Variants in WWOX observed in about 807,000 individuals in gnomAD.
The protein encoded by WWOX is WW domain containing oxidoreductase, also known as WW domain-containing oxidoreductase.
WWOX carries 69 observed loss-of-function variants against 46.2 expected under a neutral mutation model. The ratio of observed to expected loss-of-function variants is 1.49; its 90% CI spans 1.23 to 1.82. The LOEUF is 1.82. Among genes scored for constraint, WWOX ranks in the 40% most tolerant of loss-of-function variants. The pLI is 0.00. For missense variants in WWOX, 919 were observed against 542.6 expected (o/e 1.69, Z -6.89); for synonymous variants, 359 against 202.6 (o/e 1.77, Z -6.56).
chr16:78,985,855 A>C (rs888628389), intron 8 of WWOX, among the ~76,000 whole-genome samples: 3 of 152,246 alleles, frequency 2.0e-5, no homozygotes, highest in Non-Finnish European at 4.4e-5. Context: ...TAGAAGTTGC[A>C]GCTCATGCCT....
At chr16:79,116,452 A>G (rs2049517653) in intron 8 of WWOX, among the ~76,000 whole-genome samples, 1 of 152,194 alleles carries the variant, frequency 6.6e-6, no homozygotes, top group South Asian at 2.1e-4. Flanking sequence ...AACATTCATG[A>G]CGTTGTTCAT....
intron 8 of WWOX, among the ~76,000 whole-genome samples, chr16:78,451,173 T>A (rs987067989): frequency 5.3e-5 from 8 of 152,208 alleles, no homozygotes; most frequent in Non-Finnish European, 1.2e-4. Flanking sequence ...CAAAGCCATT[T>A]TTTTTAAAAT....
At chr16:79,190,158 G>T (rs1349677731) in intron 8 of WWOX, among the ~76,000 whole-genome samples, 1 of 151,998 alleles carries the variant, frequency 6.6e-6, no homozygotes, top group Non-Finnish European at 1.5e-5. Flanking sequence ...CCGAGTAGCT[G>T]GGATTTTAGG....
At chr16:78,706,082 C>G (rs1291783837) in intron 8 of WWOX, among the ~76,000 whole-genome samples, 1 of 29,976 alleles carries the variant, frequency 3.3e-5, no homozygotes, top group African/African-American at 1.5e-4. Flanking sequence ...TTTTTTTTGA[C>G]TAAATTCACC....
intron 5 of WWOX, among the ~76,000 whole-genome samples, chr16:78,182,804 A>G (rs184289183): frequency 4.3e-4 from 66 of 152,080 alleles, no homozygotes; most frequent in Middle Eastern, 6.8e-3. Context: ...TACAAAAATT[A>G]GCAGGGCATG....
chr16:78,418,925 A>C (rs1358827854), intron 6 of WWOX, among the ~76,000 whole-genome samples: 1 of 152,200 alleles, frequency 6.6e-6, no homozygotes, highest in Admixed American at 6.5e-5. Flanking sequence ...ATATTCTACT[A>C]GAAATCCTAG....
chr16:78,845,312 G>A (rs940325450), intron 8 of WWOX, among the ~76,000 whole-genome samples: 15 of 152,206 alleles, frequency 9.9e-5, no homozygotes, highest in Non-Finnish European at 2.2e-4. Context: ...GACCAACAAG[G>A]TTTCCAGCCT....
intron 5 of WWOX, among the ~76,000 whole-genome samples, chr16:78,231,490 C>T (rs1013676822): frequency 2.6e-5 from 4 of 152,160 alleles, no homozygotes; most frequent in Non-Finnish European, 4.4e-5. Context: ...GTGTTGCTAC[C>T]TGTTTTCCAT....
intron 8 of WWOX, among the ~76,000 whole-genome samples, chr16:78,729,924 C>G (rs73571652): frequency 0.012 from 1,805 of 152,242 alleles, 53 homozygotes; most frequent in African/African-American, 0.041. Flanking sequence ...TGTAAACAGA[C>G]ACAGTGCAAT....
chr16:79,069,162 A>G (rs1307561171), intron 8 of WWOX, among the ~76,000 whole-genome samples: 1 of 152,224 alleles, frequency 6.6e-6, no homozygotes, highest in East Asian at 1.9e-4. Flanking sequence ...GCGCTTGGCG[A>G]AGGTAAATGC....
At chr16:78,660,274 C>T (rs544646951) in intron 8 of WWOX, among the ~76,000 whole-genome samples, 231 of 152,208 alleles carry the variant, frequency 1.5e-3, no homozygotes, top group South Asian at 3.9e-3. Flanking sequence ...CACTGTGAGC[C>T]CATCACTAAA....
chr16:78,203,660 A>C (rs1311504378), intron 5 of WWOX, among the ~76,000 whole-genome samples: 1 of 152,170 alleles, frequency 6.6e-6, no homozygotes, highest in Middle Eastern at 3.2e-3. Context: ...GGTAGGGAGG[A>C]GAACTGGGGA....
intron 8 of WWOX, among the ~76,000 whole-genome samples, chr16:78,797,358 TAAAAAAAAAAAAA>T (rs57291441): frequency 8.6e-6 from 1 of 116,620 alleles, no homozygotes; most frequent in Non-Finnish European, 1.6e-5. Context: ...GTCAAAGTGG[TAAAAAAAAAAAAA>T]AAAAAAAAAG....
At chr16:78,106,531 C>T (rs1417052565) in intron 1 of WWOX, among the ~76,000 whole-genome samples, 1 of 151,264 alleles carries the variant, frequency 6.6e-6, no homozygotes, top group African/African-American at 2.4e-5. Context: ...ATTCTCCTGC[C>T]TCAGCTTCCC....
intron 8 of WWOX, among the ~76,000 whole-genome samples, chr16:79,007,432 G>A (rs1453619893): frequency 4.6e-5 from 7 of 152,266 alleles, no homozygotes; most frequent in East Asian, 3.9e-4. Flanking sequence ...GGCTGCCTTC[G>A]AAAGGATGTA....
intron 5 of WWOX, among the ~76,000 whole-genome samples, chr16:78,275,717 G>T (rs1241820740): frequency 2.6e-5 from 4 of 152,194 alleles, no homozygotes; most frequent in Admixed American, 2.6e-4. Flanking sequence ...TAAGCAGATT[G>T]TCCCCATTGG....
intron 8 of WWOX, among the ~76,000 whole-genome samples, chr16:79,033,141 GTAATATATATA>G (rs1271920373): frequency 6.8e-6 from 1 of 146,840 alleles, no homozygotes; most frequent in Non-Finnish European, 1.5e-5. Flanking sequence ...CGGTGTAGAT[GTAATATATATA>G]TAATATATAT....
chr16:78,616,295 C>G (rs537254411), intron 8 of WWOX, among the ~76,000 whole-genome samples: 7 of 151,956 alleles, frequency 4.6e-5, no homozygotes, highest in African/African-American at 1.7e-4. Flanking sequence ...ATGCCATGGA[C>G]TGAATAATAT....
At chr16:79,049,740 G>A (rs1404502599) in intron 8 of WWOX, among the ~76,000 whole-genome samples, 5 of 151,588 alleles carry the variant, frequency 3.3e-5, no homozygotes, top group African/African-American at 1.2e-4. Context: ...GGAGGCTGAG[G>A]CAGAGAATTG....
Sources: gnomAD v4.1 joint callset for allele counts (sites outside exome capture counted in the v4.1 genomes callset) on GRCh38, gnomAD v4.1.1 for gene constraint, MANE v1.5 for transcripts, NCBI Gene and HGNC (gene_info 2026-07-23, HGNC 2026-07-21) for gene names.